MEI4: variants seen among roughly 807,000 people sequenced by gnomAD.
MEI4 encodes meiosis-specific protein MEI4.
MEI4 carries 27 observed loss-of-function variants against 31.4 expected under a neutral mutation model. The observed-to-expected ratio is 0.86, with a 90% CI of 0.63 to 1.19. The LOEUF (loss-of-function observed/expected upper bound fraction) is 1.19, where lower values mean the gene tolerates loss of function less well. Ranked by LOEUF, MEI4 falls within the 50% of genes most tolerant of loss-of-function variation. The pLI, the probability that MEI4 is intolerant of heterozygous loss-of-function variation, is 0.00. For missense variants in MEI4, 329 were observed against 398.9 expected (o/e 0.82, Z 1.49); for synonymous variants, 122 against 145.4 (o/e 0.84, Z 1.16).
At chr6:77,674,663 A>C (rs904842713) in intron 1 of MEI4, among the ~76,000 whole-genome samples, 1 of 152,094 alleles carries the variant, frequency 6.6e-6, no homozygotes, top group African/African-American at 2.4e-5. Flanking sequence ...CTAATAATGT[A>C]TTTCTCAGGA....
intron 3 of MEI4, among the ~76,000 whole-genome samples, chr6:77,792,480 C>A (rs1768963563): frequency 6.6e-6 from 1 of 151,938 alleles, no homozygotes; most frequent in African/African-American, 2.4e-5. Context: ...TTTCTTTTGT[C>A]TTTTTGATGG....
At chr6:77,673,499 A>G (rs936465190) in intron 1 of MEI4, among the ~76,000 whole-genome samples, 2 of 152,204 alleles carry the variant, frequency 1.3e-5, no homozygotes, top group African/African-American at 4.8e-5. Flanking sequence ...TCTGAAGGCT[A>G]GGGCTTAGTT....
chr6:77,896,974 T>G (rs1409115490), intron 4 of MEI4, among the ~76,000 whole-genome samples: 2 of 151,974 alleles, frequency 1.3e-5, no homozygotes, highest in East Asian at 3.8e-4. Context: ...TAGATAACAC[T>G]TACTTGAACG....
In MEI4 at chr6:77,848,850, T is replaced by C. The variant is rs1770546262; in HGVS notation, c.900+19788T>C. The stretch of plus-strand genomic sequence containing the variant: ...TGAACTGTAGCTTCTTTCAAAACCA[T>C]ATTGTTGTGTATTATTATCAATATT... On this transcript the variant is annotated intron_variant, in intron 4 of 4. Coordinates refer to ENST00000684080, the MANE Select transcript of MEI4 (RefSeq NM_001322247.2). Among the ~76,000 whole-genome samples, 4 of 152,182 alleles carry C rather than the reference T, an allele frequency of 2.6e-5. No homozygotes were observed. In the South Asian group the frequency reaches 6.2e-4, roughly 24 times the overall value.
chr6:77,795,183 A>G (rs1402542129), intron 3 of MEI4, among the ~76,000 whole-genome samples: 1 of 152,186 alleles, frequency 6.6e-6, no homozygotes, highest in Non-Finnish European at 1.5e-5. Context: ...AACTAAGCCC[A>G]AAGCTAGCAT....
At chr6:77,859,639 A>T (rs979506904) in intron 4 of MEI4, among the ~76,000 whole-genome samples, 9 of 151,890 alleles carry the variant, frequency 5.9e-5, no homozygotes, top group African/African-American at 2.2e-4. Flanking sequence ...TTTTTTTCAT[A>T]TGTTTTTTGG....
intron 4 of MEI4, among the ~76,000 whole-genome samples, chr6:77,876,994 A>G (rs571522812): frequency 1.1e-4 from 17 of 152,298 alleles, no homozygotes; most frequent in African/African-American, 4.1e-4. Flanking sequence ...CAAGTCTTCT[A>G]TTAATCTCTT....
chr6:77,913,414 G>A (rs541392369), intron 4 of MEI4, among the ~76,000 whole-genome samples: 1 of 152,096 alleles, frequency 6.6e-6, no homozygotes, highest in Non-Finnish European at 1.5e-5. Context: ...ATCCAGTCCT[G>A]AACTTTTTGT....
Position 77,863,783 on chromosome 6 carries a change from T to C in MEI4, c.900+34721T>C, listed in dbSNP as rs888566835. Among the ~76,000 whole-genome samples, 10 of 151,888 alleles carry C rather than the reference T, an allele frequency of 6.6e-5. No homozygotes were observed. The South Asian group carries it at 1.7e-3, about 25-fold the overall frequency. Reference sequence around the variant, plus strand: ...AACTCCAAGACACATAATTGTCAGATTCACCAAAGTTGAAATGAAGGCAAA... The same window carrying C: ...AACTCCAAGACACATAATTGTCAGACTCACCAAAGTTGAAATGAAGGCAAA... On this transcript the variant is annotated intron_variant, in intron 4 of 4. Transcript: ENST00000684080.
chr6:77,709,125 C>G (rs1053414171), intron 2 of MEI4, among the ~76,000 whole-genome samples: 2 of 152,090 alleles, frequency 1.3e-5, no homozygotes, highest in South Asian at 4.1e-4. Context: ...TCAATTTTCT[C>G]ATATTAGGAG....
chr6:77,870,663 C>T (rs912847383), intron 4 of MEI4, among the ~76,000 whole-genome samples: 2 of 152,126 alleles, frequency 1.3e-5, no homozygotes, highest in African/African-American at 4.8e-5. Context: ...TGTTTACAAA[C>T]ATGAATGTTA....
At chr6:77,805,685 G>T (rs1554166293) in intron 3 of MEI4, among the ~76,000 whole-genome samples, 2 of 151,946 alleles carry the variant, frequency 1.3e-5, no homozygotes, top group Non-Finnish European at 2.9e-5. Flanking sequence ...CAGGATTATT[G>T]CTTCAAGGAA....
chr6:77,680,641 A>T (rs577918014), intron 1 of MEI4, among the ~76,000 whole-genome samples: 2 of 152,310 alleles, frequency 1.3e-5, no homozygotes, highest in Admixed American at 1.3e-4. Context: ...AGGGCTCCAT[A>T]TTTGTGAAAC....
At chr6:77,759,304 T>C (rs766344437) in intron 2 of MEI4, among the ~76,000 whole-genome samples, 4 of 152,170 alleles carry the variant, frequency 2.6e-5, no homozygotes, top group Non-Finnish European at 5.9e-5. Flanking sequence ...GGTATCTTTT[T>C]TGATCCTTTG....
At chr6:77,872,781 C>G (rs1771229523) in intron 4 of MEI4, among the ~76,000 whole-genome samples, 1 of 136,600 alleles carries the variant, frequency 7.3e-6, no homozygotes, top group Non-Finnish European at 1.5e-5. Flanking sequence ...CTTCCTGTGT[C>G]CATGTGTTCT....
intron 3 of MEI4, among the ~76,000 whole-genome samples, chr6:77,817,411 T>A (rs1582179176): frequency 6.6e-6 from 1 of 152,074 alleles, no homozygotes; most frequent in Non-Finnish European, 1.5e-5. Context: ...TGATAGTGAG[T>A]CTTAGGGAGA....
At chr6:77,726,858 G>C (rs1228020229) in intron 2 of MEI4, among the ~76,000 whole-genome samples, 1 of 152,120 alleles carries the variant, frequency 6.6e-6, no homozygotes, top group Non-Finnish European at 1.5e-5. Context: ...CTGACTAGCT[G>C]TAGGAGAGAA....
intron 2 of MEI4, among the ~76,000 whole-genome samples, chr6:77,705,971 C>T (rs1766321984): frequency 6.6e-6 from 1 of 152,078 alleles, no homozygotes; most frequent in African/African-American, 2.4e-5. Context: ...GAAAATGACA[C>T]CATAAAGTGT....
At chr6:77,874,869 G>A (rs1457246369) in intron 4 of MEI4, among the ~76,000 whole-genome samples, 1 of 152,030 alleles carries the variant, frequency 6.6e-6, no homozygotes. Context: ...ATAATCATGT[G>A]GTTTTTGTCT....
Sources: gnomAD v4.1 joint callset for allele counts (sites outside exome capture counted in the v4.1 genomes callset) on GRCh38, gnomAD v4.1.1 for gene constraint, MANE v1.5 for transcripts, NCBI Gene and HGNC (gene_info 2026-07-23, HGNC 2026-07-21) for gene names.